APBB2: variants seen among roughly 807,000 people sequenced by gnomAD.
APBB2 encodes the protein Fe65-like 1.
In APBB2, 38 loss-of-function variants were observed where a neutral mutation model predicts 82.5. That is an observed-to-expected ratio of 0.46 (90% CI 0.36 to 0.60). The LOEUF (loss-of-function observed/expected upper bound fraction) is 0.60, where lower values mean the gene tolerates loss of function less well. APBB2 is among the 20% of genes least tolerant of loss of function. The pLI is 0.00. For synonymous variants in APBB2, 341 were observed against 368.2 expected, an observed-to-expected ratio of 0.93 and a Z score of 0.85; for missense variants, 772 against 972.3, an observed-to-expected ratio of 0.79 and a Z score of 2.74.
At chr4:40,908,684 GA>G (rs889602050) in intron 10 of APBB2, among the ~76,000 whole-genome samples, 6 of 152,178 alleles carry the variant, frequency 3.9e-5, no homozygotes, top group Non-Finnish European at 5.9e-5. Flanking sequence ...CTGAGGAGAA[GA>G]AAATAATCCC....
intron 2 of APBB2, among the ~76,000 whole-genome samples, chr4:41,131,972 G>C (rs1267642258): frequency 6.6e-6 from 1 of 151,852 alleles, no homozygotes; most frequent in South Asian, 2.1e-4. Flanking sequence ...CCCAGGAGGC[G>C]GAGGTTGCAG....
intron 5 of APBB2, among the ~76,000 whole-genome samples, chr4:41,032,023 G>A (rs1380605209): frequency 6.6e-6 from 1 of 152,040 alleles, no homozygotes; most frequent in Non-Finnish European, 1.5e-5. Flanking sequence ...GTTTTTGGCT[G>A]TTTTTTATAA....
At chr4:41,006,650 G>A (rs1024591960) in intron 6 of APBB2, among the ~76,000 whole-genome samples, 3 of 152,040 alleles carry the variant, frequency 2.0e-5, no homozygotes, top group African/African-American at 7.2e-5. Flanking sequence ...ATTTTTAGTA[G>A]AAACGGGGTT....
At chr4:41,177,310 C>T (rs542832252) in intron 1 of APBB2, among the ~76,000 whole-genome samples, 1 of 152,246 alleles carries the variant, frequency 6.6e-6, no homozygotes, top group African/African-American at 2.4e-5. Context: ...CTCACTGACT[C>T]AGCTGACAGT....
At chr4:40,982,388 AAGGAAAGGAAAG>A (rs1799168458) in intron 6 of APBB2, among the ~76,000 whole-genome samples, 1 of 8,196 alleles carries the variant, frequency 1.2e-4, no homozygotes, top group South Asian at 5.1e-3. Context: ...GGAAGGAAGG[AAGGAAAGGAAAG>A]GAAAGAAAGA....
In APBB2 at chr4:41,014,202, T is replaced by C; in HGVS notation, c.216A>G (p.Leu72=). The C allele has an allele frequency of 6.2e-7, 1 of 1,614,248 alleles. No individual in the cohort carries two copies. The highest frequency in any genetic ancestry group is 8.5e-7 in the Non-Finnish European group (1 of 1,180,044). The change falls in exon 6 of 18, where the codon CTA becomes CTG. Residue 72 remains leucine, a synonymous_variant. Coordinates refer to ENST00000508593, the MANE Select transcript of APBB2 (RefSeq NM_004307.2). ...TPPKCRKKYA[L]TNIQAAMGLS... is the part of the protein sequence containing the mutation. ...GGCCCATGGCCGCCTGGATGTTAGT[T>C]AGTGCATATTTTTTCCTGCATTTGG...
intron 12 of APBB2, among the ~76,000 whole-genome samples, chr4:40,851,717 C>CATATATATATATATAT (rs3086183): frequency 7.8e-5 from 9 of 116,022 alleles, no homozygotes. Flanking sequence ...ATTTTCTATG[C>CATATATATATATATAT]ATATATATAT....
intron 6 of APBB2, among the ~76,000 whole-genome samples, chr4:40,994,086 A>G (rs1268601195): frequency 6.6e-6 from 1 of 151,892 alleles, no homozygotes; most frequent in Non-Finnish European, 1.5e-5. Flanking sequence ...TCAGAAGATC[A>G]AGACCATCCT....
chr4:40,834,915 T>C (rs1263086565), intron 12 of APBB2, among the ~76,000 whole-genome samples: 2 of 152,156 alleles, frequency 1.3e-5, no homozygotes, highest in Non-Finnish European at 2.9e-5. Context: ...ACAGCAACAA[T>C]AGGAAATGAA....
intron 12 of APBB2, chr4:40,857,290 G>T: frequency 2.0e-6 from 1 of 512,704 alleles, no homozygotes; most frequent in Non-Finnish European, 2.5e-6. Context: ...AGGTGCTCCC[G>T]CCAGATGCTC....
intron 10 of APBB2, 65 bp from the exon 11 acceptor site, chr4:40,893,476 T>A: frequency 6.8e-7 from 1 of 1,461,712 alleles, no homozygotes; most frequent in Non-Finnish European, 9.1e-7. Flanking sequence ...CAGTTTACAC[T>A]ACTCCCCTCC....
chr4:41,170,978 A>G (rs867887233), intron 1 of APBB2, among the ~76,000 whole-genome samples: 3 of 152,340 alleles, frequency 2.0e-5, no homozygotes, highest in Middle Eastern at 3.4e-3. Context: ...ACAATATCTG[A>G]TAACATCCAG....
chr4:41,034,378 G>A lies in APBB2; in HGVS notation c.-50-1074C>T, dbSNP rs142970205. 1.7e-3 allele frequency among the ~76,000 whole-genome samples: 260 copies of A among 152,306 alleles called. 1 individual carries two copies. Among genetic ancestry groups the A allele is most frequent in the African/African-American group, 6.1e-3 (252 of 41,560 alleles). On this transcript the variant is annotated intron_variant, in intron 4 of 17. Coordinates refer to ENST00000508593, the MANE Select transcript of APBB2 (RefSeq NM_004307.2). Reference sequence around the variant, plus strand: ...CTGGCTCTGTCACCCAGGCTGGAGGGCAATAGCGCAATCTCGGTTCACTGC... The same window carrying A: ...CTGGCTCTGTCACCCAGGCTGGAGGACAATAGCGCAATCTCGGTTCACTGC...
rs190369365 is a variant in APBB2 at position 41,099,689 on chromosome 4, G to C, written c.-149+950C>G. ...TAGAACTAAAGCAAAGTTCTGTTCT[G>C]TCTTGTTTTATTTTAAACATGCTTC... On this transcript the variant is annotated intron_variant, in intron 3 of 17. Transcript: ENST00000508593. 2.1e-4 allele frequency among the ~76,000 whole-genome samples: 32 copies of C among 152,144 alleles called. 1 individual carries two copies. The East Asian group carries it at 6.0e-3, about 28-fold the overall frequency.
chr4:41,054,552 A>G (rs1460303522), intron 4 of APBB2, among the ~76,000 whole-genome samples: 1 of 152,198 alleles, frequency 6.6e-6, no homozygotes, highest in Non-Finnish European at 1.5e-5. Context: ...AAATCATCCA[A>G]TGAAGGGTTT....
intron 10 of APBB2, among the ~76,000 whole-genome samples, chr4:40,905,285 C>G (rs1776410491): frequency 6.6e-6 from 1 of 152,144 alleles, no homozygotes; most frequent in African/African-American, 2.4e-5. Flanking sequence ...GCTCACAGGG[C>G]CAGGAATACT....
intron 2 of APBB2, among the ~76,000 whole-genome samples, chr4:41,115,619 A>G (rs1030858477): frequency 1.3e-5 from 2 of 152,196 alleles, no homozygotes; most frequent in Non-Finnish European, 2.9e-5. Context: ...GCTTAAAAAA[A>G]TTTCCAAAAA....
intron 5 of APBB2, among the ~76,000 whole-genome samples, chr4:41,025,693 T>G (rs1243214209): frequency 6.6e-6 from 1 of 151,554 alleles, no homozygotes; most frequent in Non-Finnish European, 1.5e-5. Context: ...CTGAGGTGGG[T>G]GGATCACCTC....
At position 40,963,546 on chromosome 4, in the gene APBB2, C is replaced by G. The variant is rs1188386023; in HGVS notation, c.836-18473G>C. ...TACAGGCATGGGCCACCGCGCCCAGCCTCTATTACTTTTTCTATGAAAGGA... is the reference window on the plus strand; with the variant it reads ...TACAGGCATGGGCCACCGCGCCCAGGCTCTATTACTTTTTCTATGAAAGGA... On this transcript the variant is annotated intron_variant, in intron 6 of 17. Coordinates refer to ENST00000508593, the MANE Select transcript of APBB2 (RefSeq NM_004307.2). Among the ~76,000 whole-genome samples the G allele has an allele frequency of 1.3e-5, 2 of 152,196 alleles. 1 individual carries two copies. The highest frequency in any genetic ancestry group is 1.3e-4 in the Admixed American group (2 of 15,290).
Sources: gnomAD v4.1 joint callset for allele counts (sites outside exome capture counted in the v4.1 genomes callset) on GRCh38, gnomAD v4.1.1 for gene constraint, MANE v1.5 for transcripts, NCBI Gene and HGNC (gene_info 2026-07-23, HGNC 2026-07-21) for gene names.